Variants in KIFAP3 observed in about 807,000 individuals in gnomAD.
KIFAP3 encodes kinesin-associated protein 3.
In KIFAP3, 68 loss-of-function variants were observed where a neutral mutation model predicts 106.5. The observed-to-expected ratio is 0.64, with a 90% CI of 0.53 to 0.78. The LOEUF is 0.78. KIFAP3 is among the 30% of genes least tolerant of loss of function. The pLI, the probability that KIFAP3 is intolerant of heterozygous loss-of-function variation, is 0.00. For missense variants in KIFAP3, 780 were observed against 941.8 expected (o/e 0.83, Z 2.25); for synonymous variants, 320 against 311.5 (o/e 1.03, Z -0.29).
At chr1:169,954,601 A>G (rs747720456) in intron 18 of KIFAP3, among the ~76,000 whole-genome samples, 82 of 152,210 alleles carry the variant, frequency 5.4e-4, no homozygotes, top group Admixed American at 1.5e-3. Flanking sequence ...AAAATAAGTG[A>G]ATTTCTAAAT....
At chr1:170,011,046 C>T (rs1321757485) in intron 10 of KIFAP3, among the ~76,000 whole-genome samples, 1 of 151,952 alleles carries the variant, frequency 6.6e-6, no homozygotes, top group Non-Finnish European at 1.5e-5. Flanking sequence ...TTCATGTCTA[C>T]TGCATACTTT....
intron 10 of KIFAP3, among the ~76,000 whole-genome samples, chr1:170,016,037 C>A (rs1211604247): frequency 4.6e-5 from 7 of 151,988 alleles, no homozygotes; most frequent in Admixed American, 3.9e-4. Context: ...AAAAAATATA[C>A]CCTTTTTAAC....
chr1:169,982,666 TA>T, intron 14 of KIFAP3, 35 bp downstream of exon 14: 1 of 1,394,184 alleles, frequency 7.2e-7, no homozygotes, highest in Non-Finnish European at 9.8e-7. Flanking sequence ...AGAAATAACT[TA>T]GTGATTATAC....
intron 11 of KIFAP3, among the ~76,000 whole-genome samples, chr1:169,985,823 G>C (rs1221322079): frequency 6.6e-6 from 1 of 151,870 alleles, no homozygotes; most frequent in Non-Finnish European, 1.5e-5. Context: ...AAAAAGGTAA[G>C]AAGGAAAAGG....
intron 4 of KIFAP3, among the ~76,000 whole-genome samples, chr1:170,038,676 A>C (rs904511744): frequency 6.6e-6 from 1 of 152,258 alleles, no homozygotes; most frequent in Non-Finnish European, 1.5e-5. Context: ...AAAGTATCTT[A>C]AATGTAATAG....
chr1:169,986,327 C>T (rs575548212), intron 11 of KIFAP3, among the ~76,000 whole-genome samples: 33 of 151,884 alleles, frequency 2.2e-4, no homozygotes, highest in African/African-American at 8.0e-4. Flanking sequence ...AAATAAAAAA[C>T]ACAATACCAC....
At position 170,025,159 on chromosome 1, in the gene KIFAP3, A is replaced by G. The variant is rs74647765; in HGVS notation, c.842-563T>C. 6.1e-3 allele frequency among the ~76,000 whole-genome samples: 934 copies of G among 152,278 alleles called. 12 individuals carry two copies. Among genetic ancestry groups the G allele is most frequent in the African/African-American group, 0.021 (891 of 41,584 alleles). On this transcript the variant is annotated intron_variant, in intron 8 of 19. Transcript: ENST00000361580. ...AAAAGACCTTATGAAATTCAGTAAT[A>G]CAATTATTGCACTAGACAGAGTTGA...
At chr1:169,964,519 G>A (rs1179407366) in intron 17 of KIFAP3, among the ~76,000 whole-genome samples, 1 of 152,180 alleles carries the variant, frequency 6.6e-6, no homozygotes, top group Non-Finnish European at 1.5e-5. Context: ...TAAGCAAGCA[G>A]TGATATGGGA....
chr1:170,024,757 A>C (rs1461723043), intron 8 of KIFAP3, 161 bp from the exon 9 acceptor site: 3 of 447,504 alleles, frequency 6.7e-6, no homozygotes, highest in Middle Eastern at 1.1e-3. Flanking sequence ...AAAAACATTT[A>C]TTGTTACTGA....
intron 1 of KIFAP3, among the ~76,000 whole-genome samples, chr1:170,081,755 T>G (rs776809215): frequency 6.6e-6 from 1 of 152,248 alleles, no homozygotes; most frequent in Non-Finnish European, 1.5e-5. Context: ...TCTCCCCATG[T>G]TAAAGTAGGT....
At chr1:169,949,834 A>G (rs1664639203) in intron 19 of KIFAP3, among the ~76,000 whole-genome samples, 1 of 152,118 alleles carries the variant, frequency 6.6e-6, no homozygotes, top group Admixed American at 6.6e-5. Flanking sequence ...TCCTGGCGCC[A>G]AGAGGTTCAA....
intron 3 of KIFAP3, among the ~76,000 whole-genome samples, chr1:170,040,496 A>G (rs6694304): frequency 0.76 from 115,976 of 152,002 alleles, 44,694 homozygotes; most frequent in East Asian, 0.99. Flanking sequence ...GATTTGCCCC[A>G]AAAACTCAGT....
intron 19 of KIFAP3, among the ~76,000 whole-genome samples, chr1:169,952,078 T>C (rs1292523911): frequency 6.6e-6 from 1 of 151,980 alleles, no homozygotes; most frequent in Non-Finnish European, 1.5e-5. Context: ...TCAGAAGTAA[T>C]CAAAAGCCAT....
At chr1:169,981,940 C>T in intron 15 of KIFAP3, 32 bp downstream of exon 15, 3 of 1,541,108 alleles carry the variant, frequency 1.9e-6, no homozygotes, top group Non-Finnish European at 2.7e-6. Context: ...GCTGTTTAGA[C>T]ATTAACATAA....
At chr1:170,000,726 C>G (rs929336734) in intron 10 of KIFAP3, among the ~76,000 whole-genome samples, 1 of 151,964 alleles carries the variant, frequency 6.6e-6, no homozygotes, top group Non-Finnish European at 1.5e-5. Flanking sequence ...TTGCACAGAC[C>G]AATGTTTAAG....
At chr1:169,940,953 G>T (rs1041653676) in intron 19 of KIFAP3, among the ~76,000 whole-genome samples, 1 of 126,886 alleles carries the variant, frequency 7.9e-6, no homozygotes, top group Non-Finnish European at 1.7e-5. Flanking sequence ...GTGTGTGTGT[G>T]TTTAAAGACA....
Position 170,024,488 on chromosome 1 carries a change from A to G in KIFAP3, c.950T>C (p.Phe317Ser), listed in dbSNP as rs778985590. 2.5e-6 allele frequency: 4 copies of G among 1,607,272 alleles called. No homozygotes were observed. The highest frequency in any genetic ancestry group is 3.4e-6 in the Non-Finnish European group (4 of 1,176,490). Reference protein sequence around the residue: ...MLVKALDRDNFELLILVVSFL... With the variant: ...MLVKALDRDNSELLILVVSFL... ...TGACACAACTAAAATTAGCAGCTCA[A>G]AATTGTCCCGATCAAGGGCTTTCAC... The change falls in exon 9 of 20, where the codon TTT becomes TCT. Residue 317 changes from phenylalanine to serine, a missense_variant. Coordinates refer to ENST00000361580, the MANE Select transcript of KIFAP3 (RefSeq NM_014970.4).
In KIFAP3 at chr1:169,992,195, C is replaced by T. The variant is rs763167127; in HGVS notation, c.1244G>A (p.Arg415His). 1.0e-5 allele frequency: 16 copies of T among 1,582,080 alleles called. No individual in the cohort carries two copies. The highest frequency in any genetic ancestry group is 5.4e-5 in the Admixed American group (3 of 55,608). Residue 415 changes from arginine (R) to histidine (H), a missense_variant, in exon 11 of 20, where the codon CGC becomes CAC. Coordinates refer to ENST00000361580, the MANE Select transcript of KIFAP3 (RefSeq NM_014970.4). The part of the protein sequence containing the change: ...CVLYHISMDD[R>H]FKSMFAYTDC... The stretch of plus-strand genomic sequence containing the variant: ...AGTGTATGCAAACATTGATTTAAAG[C>T]GGTCATCCATGCTTATGTGGTAAAG...
chr1:170,080,288 G>A (rs1671999653), intron 1 of KIFAP3, among the ~76,000 whole-genome samples: 1 of 151,980 alleles, frequency 6.6e-6, no homozygotes, highest in African/African-American at 2.4e-5. Context: ...AAATGGAAAA[G>A]TGTGTCATGT....
Sources: gnomAD v4.1 joint callset for allele counts (sites outside exome capture counted in the v4.1 genomes callset) on GRCh38, gnomAD v4.1.1 for gene constraint, MANE v1.5 for transcripts, NCBI Gene and HGNC (gene_info 2026-07-23, HGNC 2026-07-21) for gene names.